The following MAST4 variants were observed in gnomAD, a reference collection of about 807,000 sequenced individuals.
MAST4 encodes the protein microtubule-associated serine/threonine-protein kinase 4.
MAST4 carries 89 observed loss-of-function variants against 162.7 expected under a neutral mutation model. That is an observed-to-expected ratio of 0.55 (90% CI 0.46 to 0.65). MAST4 has a LOEUF of 0.65. Ranked by LOEUF, MAST4 falls within the 30% of genes least tolerant of loss-of-function variation. The pLI is 0.00. For missense variants in MAST4, 3,153 were observed against 3,374.0 expected, an observed-to-expected ratio of 0.93 and a Z score of 1.62; for synonymous variants, 1,479 against 1,361.1, an observed-to-expected ratio of 1.09 and a Z score of -1.91.
At chr5:67,053,229 T>A (rs1459349889) in intron 4 of MAST4, among the ~76,000 whole-genome samples, 5 of 152,208 alleles carry the variant, frequency 3.3e-5, no homozygotes, top group Non-Finnish European at 7.3e-5. Flanking sequence ...GCAGCAAACA[T>A]CTAAGAGAAG....
chr5:66,648,075 TGTGTGTGTGAGAGAGA>T (rs1277127079), intron 1 of MAST4, among the ~76,000 whole-genome samples: 2 of 95,394 alleles, frequency 2.1e-5, no homozygotes, highest in African/African-American at 9.5e-5. Flanking sequence ...TGTGTGTGTG[TGTGTGTGTGAGAGAGA>T]GAGAGAGAGA....
chr5:66,714,973 G>A (rs142663278), intron 1 of MAST4, among the ~76,000 whole-genome samples: 72 of 152,324 alleles, frequency 4.7e-4, no homozygotes, highest in Middle Eastern at 3.4e-3. Context: ...TGGCAGACTG[G>A]TCTTTGATGT....
intron 2 of MAST4, among the ~76,000 whole-genome samples, chr5:66,762,751 C>A (rs1255254274): frequency 6.6e-6 from 1 of 152,208 alleles, no homozygotes; most frequent in Non-Finnish European, 1.5e-5. Flanking sequence ...AACTGACCAC[C>A]TTCTCATTGT....
intron 3 of MAST4, among the ~76,000 whole-genome samples, chr5:66,863,165 AT>A (rs1359313824): frequency 2.0e-5 from 3 of 152,212 alleles, no homozygotes; most frequent in African/African-American, 7.2e-5. Context: ...AATCCCAGTG[AT>A]TAGATATGTG....
At chr5:66,956,571 T>A (rs1745341084) in intron 4 of MAST4, among the ~76,000 whole-genome samples, 2 of 152,236 alleles carry the variant, frequency 1.3e-5, no homozygotes, top group South Asian at 4.1e-4. Flanking sequence ...ATGTGCTTGA[T>A]TCTTCCCCTG....
intron 1 of MAST4, among the ~76,000 whole-genome samples, chr5:66,707,986 T>C (rs1226637620): frequency 6.6e-6 from 1 of 152,222 alleles, no homozygotes; most frequent in African/African-American, 2.4e-5. Flanking sequence ...GAGTGCCTGT[T>C]TGTACCAGAC....
chr5:66,789,199 ATG>A (rs907774429), intron 3 of MAST4, among the ~76,000 whole-genome samples: 4 of 151,500 alleles, frequency 2.6e-5, no homozygotes, highest in African/African-American at 7.3e-5. Context: ...GTGTGTATGT[ATG>A]TGTGTATGTG....
chr5:66,823,730 G>A (rs1757105927), intron 3 of MAST4, among the ~76,000 whole-genome samples: 1 of 152,080 alleles, frequency 6.6e-6, no homozygotes, highest in Non-Finnish European at 1.5e-5. Context: ...CCTGACCTCA[G>A]GTGATCCACC....
At chr5:66,948,961 C>T (rs546956134) in intron 4 of MAST4, among the ~76,000 whole-genome samples, 19 of 151,966 alleles carry the variant, frequency 1.3e-4, no homozygotes, top group East Asian at 1.9e-4. Context: ...TTTTTAATAG[C>T]GCTTTTGAAA....
At chr5:67,078,849 TATATATTTATATAA>T (rs1436042539) in intron 5 of MAST4, among the ~76,000 whole-genome samples, 6 of 111,728 alleles carry the variant, frequency 5.4e-5, no homozygotes, top group African/African-American at 2.7e-4. Flanking sequence ...TAAATATATT[TATATATTTATATAA>T]ATATATATTT....
rs1456659249 is a variant in MAST4, at chr5:66,671,176, AC to A, written c.363+74161del. Among the ~76,000 whole-genome samples, 3 of 152,210 alleles carry A rather than the reference AC, an allele frequency of 2.0e-5. No homozygotes were observed. In the South Asian group the frequency reaches 6.2e-4, roughly 32 times the overall value. ...TCAGTTGAAAATGCATTTAGGTAAAACCCAACTGATAGTATCTTAACCAATA... is the reference window on the plus strand; with the variant it reads ...TCAGTTGAAAATGCATTTAGGTAAAACCAACTGATAGTATCTTAACCAATA... On this transcript the variant is annotated intron_variant, in intron 1 of 28. Transcript: ENST00000403625.
Position 67,160,601 on chromosome 5 carries a change from A to C in MAST4, c.3785+9A>C. ...AAAGAAAGTCTCGAAAGGTTAGTAA[A>C]ATCAGTATTCTTTTTAAGTTTGGTG... On this transcript the variant is annotated intron_variant, in intron 27 of 28. Coordinates refer to ENST00000403625, the MANE Select transcript of MAST4 (RefSeq NM_001164664.2). The C allele has an allele frequency of 3.1e-6, 5 of 1,612,232 alleles. No homozygotes were observed. Among genetic ancestry groups the C allele is most frequent in the Non-Finnish European group, 4.2e-6 (5 of 1,179,326 alleles).
intron 1 of MAST4, among the ~76,000 whole-genome samples, chr5:66,613,353 A>G (rs1743424897): frequency 2.1e-5 from 3 of 143,572 alleles, no homozygotes; most frequent in Non-Finnish European, 4.5e-5. Flanking sequence ...TCTCTTTGGG[A>G]TAGCATTGTC....
chr5:67,003,965 G>C (rs1193190793), intron 4 of MAST4: 1 of 152,208 alleles, frequency 6.6e-6, no homozygotes, highest in Non-Finnish European at 1.5e-5. Flanking sequence ...TCCCGTCCGC[G>C]TGCTTTTCCT....
At chr5:66,873,560 C>T (rs913592192) in intron 3 of MAST4, among the ~76,000 whole-genome samples, 2 of 152,154 alleles carry the variant, frequency 1.3e-5, no homozygotes, top group African/African-American at 4.8e-5. Flanking sequence ...TTTAGCTTTA[C>T]AATGGCAATA....
intron 4 of MAST4, among the ~76,000 whole-genome samples, chr5:66,931,354 C>T (rs531846543): frequency 6.6e-6 from 1 of 151,970 alleles, no homozygotes; most frequent in East Asian, 1.9e-4. Flanking sequence ...TTAATTTTTC[C>T]AATTGTGAGT....
At chr5:67,025,834 G>A (rs1754575985) in intron 4 of MAST4, among the ~76,000 whole-genome samples, 1 of 152,172 alleles carries the variant, frequency 6.6e-6, no homozygotes, top group Non-Finnish European at 1.5e-5. Flanking sequence ...GGGCCCCAAG[G>A]CCCGGACATG....
intron 1 of MAST4, among the ~76,000 whole-genome samples, chr5:66,677,993 G>A (rs911241028): frequency 2.0e-5 from 3 of 152,162 alleles, no homozygotes; most frequent in Non-Finnish European, 4.4e-5. Context: ...TGTGAAGTCA[G>A]GAAGAGTTTG....
chr5:66,938,463 C>G (rs1004447702), intron 4 of MAST4, among the ~76,000 whole-genome samples: 9 of 152,076 alleles, frequency 5.9e-5, no homozygotes, highest in Non-Finnish European at 8.8e-5. Flanking sequence ...ATCTTTTAAT[C>G]AGAAGAACAC....
Sources: gnomAD v4.1 joint callset for allele counts (sites outside exome capture counted in the v4.1 genomes callset) on GRCh38, gnomAD v4.1.1 for gene constraint, MANE v1.5 for transcripts, NCBI Gene and HGNC (gene_info 2026-07-23, HGNC 2026-07-21) for gene names.